The following ZNF217 variants were observed in gnomAD, a reference collection of about 807,000 sequenced individuals.
ZNF217 encodes zinc finger protein 217.
ZNF217 carries 12 observed loss-of-function variants against 73.3 expected under a neutral mutation model. The observed-to-expected ratio is 0.16, with a 90% CI of 0.10 to 0.27. The LOEUF (loss-of-function observed/expected upper bound fraction) is 0.27, where lower values mean the gene tolerates loss of function less well. Ranked by LOEUF, ZNF217 falls within the 10% of genes least tolerant of loss-of-function variation. ZNF217 has a pLI of 1.00. For missense variants in ZNF217, 1,195 were observed against 1,327.8 expected, an observed-to-expected ratio of 0.90 and a Z score of 1.55; for synonymous variants, 588 against 516.4, an observed-to-expected ratio of 1.14 and a Z score of -1.88.
Position 53,575,869 on chromosome 20 carries a change from C to G in ZNF217, c.2895G>C (p.Ala965=). The G allele has an allele frequency of 6.2e-7, 1 of 1,614,170 alleles. No individual in the cohort carries two copies. ...LPQDCVYPSQ[A]LPPKPRFLSS... is the part of the protein sequence containing the mutation. ...TCAGGAACCTTGGTTTGGGAGGCAG[C>G]GCCTGCGACGGATACACACAGTCCT... The change falls in exon 4 of 6, where the codon GCG becomes GCC. Residue 965 remains alanine, a synonymous_variant. Transcript: ENST00000371471.
chr20:53,581,339 G>T lies in ZNF217; in HGVS notation c.1366+122C>A. 7.3e-7 allele frequency: 1 copy of T among 1,375,534 alleles called. No individual in the cohort carries two copies. Among genetic ancestry groups the T allele is most frequent in the Non-Finnish European group, 9.7e-7 (1 of 1,026,788 alleles). 85.2% of individuals were successfully genotyped at this position (1,375,534 alleles called of 1,614,324 possible). A position where few individuals can be genotyped will look rare whatever the true frequency, so the allele number is the denominator to read the frequency against. On this transcript the variant is annotated intron_variant, in intron 2 of 5. Coordinates refer to ENST00000371471, the MANE Select transcript of ZNF217 (RefSeq NM_006526.3). This position sits in a 1 kb window ranked among gnomAD's most constrained non-coding sequence, Gnocchi z 4.9. ...GTGATACCAAAAAGAGCCTGGACTT[G>T]ACTCTGGCTCTCCAAACCCCATTCC...
rs556364121 is a variant in ZNF217, at chr20:53,581,742, T to G, written c.1085A>C (p.Asp362Ala). 7 of 1,614,248 alleles carry G rather than the reference T, an allele frequency of 4.3e-6. No individual in the cohort carries two copies. In the South Asian group the frequency reaches 7.7e-5, roughly 18 times the overall value. The change falls in exon 2 of 6, where the codon GAC becomes GCC. Residue 362 changes from aspartate (D) to alanine (A), a missense_variant. Asp to Ala is a moderately radical substitution (Grantham distance 126). Coordinates refer to ENST00000371471, the MANE Select transcript of ZNF217 (RefSeq NM_006526.3). The surrounding 1 kb of genome is among the most constrained non-coding windows in gnomAD (Gnocchi z 4.9). ...KHSHGEAPSV[D>A]ADPKLPSSKE... ...GCTACTGGGTAACTTGGGATCCGCG[T>G]CCACGGAGGGCGCTTCGCCGTGGGA...
chr20:53,589,905 C>T (rs897514696), intron 1 of ZNF217, among the ~76,000 whole-genome samples: 1 of 136,230 alleles, frequency 7.3e-6, no homozygotes, highest in South Asian at 2.8e-4. Context: ...ACCCCTCCCC[C>T]CCGCAGAATC....
chr20:53,585,117 A>C (rs947034070), intron 1 of ZNF217, among the ~76,000 whole-genome samples: 3 of 149,940 alleles, frequency 2.0e-5, no homozygotes, highest in South Asian at 2.1e-4. Context: ...AAAAAAAAAA[A>C]ACTAAGTTAG....
chr20:53,577,156 A>C lies in ZNF217; in HGVS notation c.1608T>G (p.Asp536Glu). Residue 536 changes from aspartate (D) to glutamate (E), a missense_variant, in exon 4 of 6, where the codon GAT becomes GAG. Transcript: ENST00000371471. Reference sequence around the variant, plus strand: ...CATCTTCAGTGTCCTGATTTTTACCATCGTTCTTGACTTCAGCAGCAACAT... The same window carrying C: ...CATCTTCAGTGTCCTGATTTTTACCCTCGTTCTTGACTTCAGCAGCAACAT... ...QTDVAAEVKN[D>E]GKNQDTEDAL... 6.2e-7 allele frequency: 1 copy of C among 1,614,058 alleles called. No homozygotes were observed.
intron 1 of ZNF217, among the ~76,000 whole-genome samples, chr20:53,592,841 AAAAAAAAAAAGAAAAG>A (rs1988928779): frequency 6.6e-6 from 1 of 151,476 alleles, no homozygotes; most frequent in South Asian, 2.1e-4. Flanking sequence ...TCCCTTAAAA[AAAAAAAAAAAGAAAAG>A]AAAAAAAAAA....
At chr20:53,569,515 T>G (rs998858889) in intron 5 of ZNF217, among the ~76,000 whole-genome samples, 1 of 152,120 alleles carries the variant, frequency 6.6e-6, no homozygotes, top group African/African-American at 2.4e-5. Flanking sequence ...TCCAAGTAGC[T>G]GGGACTACAG....
Position 53,581,164 on chromosome 20 carries a change from A to T in ZNF217, c.1366+297T>A, listed in dbSNP as rs564344270. On this transcript the variant is annotated intron_variant, in intron 2 of 5. Coordinates refer to ENST00000371471, the MANE Select transcript of ZNF217 (RefSeq NM_006526.3). The surrounding 1 kb of genome is among the most constrained non-coding windows in gnomAD (Gnocchi z 4.9). The stretch of plus-strand genomic sequence containing the variant: ...TGCATTTGGGCTGGATGCACAAGTT[A>T]TTTTTTTTTTAAAGTGTGTTTTGTG... Among the ~76,000 whole-genome samples the T allele has an allele frequency of 3.1e-4, 46 of 150,314 alleles. No homozygotes were observed. Among genetic ancestry groups the T allele is most frequent in the African/African-American group, 1.0e-3 (43 of 41,044 alleles).
chr20:53,569,828 A>G (rs1987916055), intron 5 of ZNF217, among the ~76,000 whole-genome samples: 1 of 152,198 alleles, frequency 6.6e-6, no homozygotes, highest in South Asian at 2.1e-4. Flanking sequence ...GGCAGTTGCC[A>G]TGCACAAGAA....
rs555396674 is a variant in ZNF217, at chr20:53,576,243, T to G, written c.2521A>C (p.Met841Leu). 37 of 1,614,232 alleles carry G rather than the reference T, an allele frequency of 2.3e-5. No homozygotes were observed. In the South Asian group the frequency reaches 3.7e-4, roughly 16 times the overall value. ...GGGGAAACACTGGTTTTAGGAAACATCTCAGATTGCTGTTGCCTGGTGGCG... is the reference window on the plus strand; with the variant it reads ...GGGGAAACACTGGTTTTAGGAAACAGCTCAGATTGCTGTTGCCTGGTGGCG... ...GAATRQQQSE[M>L]FPKTSVSPAP... is the part of the protein sequence containing the mutation. The change falls in exon 4 of 6, where the codon ATG becomes CTG. Residue 841 changes from methionine (M) to leucine (L), a missense_variant. Met to Leu is a conservative substitution (Grantham distance 15). This residue lies in a region of ZNF217 where 649 missense variants were observed against 642.8 expected (regional missense o/e 1.01). Coordinates refer to ENST00000371471, the MANE Select transcript of ZNF217 (RefSeq NM_006526.3).
chr20:53,591,956 A>G (rs1988889966), intron 1 of ZNF217, among the ~76,000 whole-genome samples: 1 of 152,226 alleles, frequency 6.6e-6, no homozygotes, highest in African/African-American at 2.4e-5. Context: ...AAGAGAAGGT[A>G]AAAGGCCTCC....
intron 4 of ZNF217, among the ~76,000 whole-genome samples, chr20:53,574,157 G>C (rs1568680369): frequency 6.6e-6 from 1 of 152,060 alleles, no homozygotes. Flanking sequence ...GTATTATCTA[G>C]GGAATTACGA....
In ZNF217 at chr20:53,576,613, G is replaced by A; in HGVS notation, c.2151C>T (p.Phe717=). Residue 717 remains phenylalanine, a synonymous_variant, in exon 4 of 6, where the codon TTC becomes TTT. Transcript: ENST00000371471. ...IPSITCPFCT[F]KTFYPEVLMM... is the part of the protein sequence containing the mutation. ...TTAAAACTTCTGGATAAAATGTCTTGAAGGTACAAAATGGACAGGTGATAC... is the reference window on the plus strand; with the variant it reads ...TTAAAACTTCTGGATAAAATGTCTTAAAGGTACAAAATGGACAGGTGATAC... 6.2e-7 allele frequency: 1 copy of A among 1,614,220 alleles called. No individual in the cohort carries two copies. The highest frequency in any genetic ancestry group is 8.5e-7 in the Non-Finnish European group (1 of 1,180,042).
At chr20:53,587,424 C>T (rs1362295524) in intron 1 of ZNF217, among the ~76,000 whole-genome samples, 2 of 152,150 alleles carry the variant, frequency 1.3e-5, no homozygotes, top group Non-Finnish European at 1.5e-5. Flanking sequence ...ATTACTGTAA[C>T]TTGGGAATAT....
At chr20:53,572,825 TG>T (rs1461320405) in intron 4 of ZNF217, 1 of 152,242 alleles carries the variant, frequency 6.6e-6, no homozygotes. Context: ...AAGATGTCCC[TG>T]GGACACTGAG....
At chr20:53,571,379 G>T (rs530447766) in intron 5 of ZNF217, among the ~76,000 whole-genome samples, 1 of 146,126 alleles carries the variant, frequency 6.8e-6, no homozygotes, top group Non-Finnish European at 1.5e-5. Context: ...GTTTATTTCC[G>T]ATCAAGTAAA....
At chr20:53,591,123 A>T (rs571318726) in intron 1 of ZNF217, among the ~76,000 whole-genome samples, 2 of 152,174 alleles carry the variant, frequency 1.3e-5, no homozygotes, top group Non-Finnish European at 2.9e-5. Flanking sequence ...GTTTTCTACA[A>T]ATTTTTTCTA....
At chr20:53,591,414 A>T (rs1379605252) in intron 1 of ZNF217, among the ~76,000 whole-genome samples, 1 of 152,270 alleles carries the variant, frequency 6.6e-6, no homozygotes, top group Non-Finnish European at 1.5e-5. Flanking sequence ...ACGCCAAATC[A>T]TTAAAATTCC....
At chr20:53,584,004 T>C (rs1600726002) in intron 1 of ZNF217, among the ~76,000 whole-genome samples, 2 of 152,240 alleles carry the variant, frequency 1.3e-5, no homozygotes, top group African/African-American at 4.8e-5. Flanking sequence ...CAACATGGCT[T>C]AGTCTTTCAT....
Sources: allele counts gnomAD v4.1 joint callset (sites outside exome capture counted in the v4.1 genomes callset), GRCh38; gene constraint gnomAD v4.1.1; regional missense constraint gnomAD v4.1.1; non-coding constraint Gnocchi (gnomAD v3.1); transcripts MANE v1.5; gene names NCBI Gene and HGNC (gene_info 2026-07-23, HGNC 2026-07-21).